Variants in SHISA9 observed in about 807,000 individuals in gnomAD.
The protein encoded by SHISA9 is protein shisa-9.
In SHISA9, 13 loss-of-function variants were observed where a neutral mutation model predicts 38.0. The ratio of observed to expected loss-of-function variants is 0.34; its 90% CI spans 0.22 to 0.54. The LOEUF (loss-of-function observed/expected upper bound fraction) is 0.54, where lower values mean the gene tolerates loss of function less well. Among genes scored for constraint, SHISA9 ranks in the 20% least tolerant of loss-of-function variants. SHISA9 has a pLI of 0.91. For synonymous variants in SHISA9, 275 were observed against 242.0 expected (o/e 1.14, Z -1.27); for missense variants, 538 against 575.8 (o/e 0.93, Z 0.67).
rs970345256 is a variant in SHISA9, at chr16:13,158,780, G to A, written c.692-44614G>A. On this transcript the variant is annotated intron_variant, in intron 2 of 4. Transcript: ENST00000558583. Reference sequence around the variant, plus strand: ...GATTTTAAAAACACAGCAAAGCCCAGGCATGGTGGCTCACGCCTATAATCC... The same window carrying A: ...GATTTTAAAAACACAGCAAAGCCCAAGCATGGTGGCTCACGCCTATAATCC... 3.9e-5 allele frequency among the ~76,000 whole-genome samples: 6 copies of A among 152,192 alleles called. No individual in the cohort carries two copies. In the South Asian group the frequency reaches 6.2e-4, roughly 16 times the overall value.
the SHISA9 span, among the ~76,000 whole-genome samples, chr16:13,427,978 G>A: frequency 1.3e-5 from 2 of 152,202 alleles, no homozygotes; most frequent in African/African-American, 4.8e-5. Context: ...AAGTGTATAT[G>A]AGGTTTAGAG....
intron 2 of SHISA9, among the ~76,000 whole-genome samples, chr16:12,920,332 G>A (rs1378664829): frequency 6.6e-6 from 1 of 151,908 alleles, no homozygotes; most frequent in Non-Finnish European, 1.5e-5. Flanking sequence ...ATATATAAAA[G>A]AAATACAGTT....
intron 2 of SHISA9, among the ~76,000 whole-genome samples, chr16:13,197,141 A>AGG (rs2050953560): frequency 6.7e-6 from 1 of 148,780 alleles, no homozygotes; most frequent in African/African-American, 2.5e-5. Flanking sequence ...ACACACATAT[A>AGG]TGTGTATATA....
chr16:13,505,828 C>A, the SHISA9 span, among the ~76,000 whole-genome samples: 1 of 152,200 alleles, frequency 6.6e-6, no homozygotes, highest in Non-Finnish European at 1.5e-5. Context: ...GGGTTGGTTG[C>A]AGAAACCTTT....
At chr16:13,029,517 G>A (rs2072965722) in intron 2 of SHISA9, among the ~76,000 whole-genome samples, 1 of 152,230 alleles carries the variant, frequency 6.6e-6, no homozygotes, top group Non-Finnish European at 1.5e-5. Flanking sequence ...GCTAAGGAGG[G>A]AGGATCACTT....
intron 2 of SHISA9, among the ~76,000 whole-genome samples, chr16:13,105,286 A>G (rs1300931430): frequency 6.6e-6 from 1 of 152,172 alleles, no homozygotes; most frequent in Non-Finnish European, 1.5e-5. Flanking sequence ...TATGTGGTGC[A>G]TCTGTGGATG....
intron 2 of SHISA9, among the ~76,000 whole-genome samples, chr16:13,068,235 G>C (rs1161693730): frequency 6.6e-6 from 1 of 152,150 alleles, no homozygotes; most frequent in Non-Finnish European, 1.5e-5. Context: ...TGTGATGTGG[G>C]CCATTGAACA....
chr16:12,987,486 A>G, intron 2 of SHISA9, among the ~76,000 whole-genome samples: 1 of 152,202 alleles, frequency 6.6e-6, no homozygotes, highest in Non-Finnish European at 1.5e-5. Context: ...CAGCAAACTA[A>G]CACAGGAACA....
At chr16:12,902,876 T>G in intron 1 of SHISA9, 1 of 429,836 alleles carries the variant, frequency 2.3e-6, no homozygotes, top group Non-Finnish European at 4.0e-6. Flanking sequence ...GTGACTCTGC[T>G]CCCTCACCCT....
chr16:13,437,210 A>G, the SHISA9 span, among the ~76,000 whole-genome samples: 1 of 152,136 alleles, frequency 6.6e-6, no homozygotes, highest in African/African-American at 2.4e-5. Flanking sequence ...TTACTCAAAA[A>G]AAAATGTCAT....
chr16:13,129,958 T>C (rs2050292902), intron 2 of SHISA9, among the ~76,000 whole-genome samples: 1 of 152,200 alleles, frequency 6.6e-6, no homozygotes, highest in African/African-American at 2.4e-5. Context: ...GGAACCCAGC[T>C]AGTTTTTTGT....
At chr16:12,974,265 C>T (rs1391773532) in intron 2 of SHISA9, among the ~76,000 whole-genome samples, 9 of 152,012 alleles carry the variant, frequency 5.9e-5, no homozygotes, top group Non-Finnish European at 1.2e-4. Flanking sequence ...GAGGGCAGGA[C>T]ATCTTTATTG....
At chr16:13,101,350 A>G (rs927286472) in intron 2 of SHISA9, among the ~76,000 whole-genome samples, 5 of 152,232 alleles carry the variant, frequency 3.3e-5, no homozygotes, top group Admixed American at 2.0e-4. Context: ...GTCACAATGA[A>G]TATATATATC....
the SHISA9 span, among the ~76,000 whole-genome samples, chr16:13,393,702 A>C: frequency 6.6e-6 from 1 of 152,126 alleles, no homozygotes; most frequent in Non-Finnish European, 1.5e-5. Flanking sequence ...CTTAGGTAGT[A>C]CAGCTCTGGG....
the SHISA9 span, among the ~76,000 whole-genome samples, chr16:13,423,301 T>A: frequency 6.6e-6 from 1 of 152,238 alleles, no homozygotes; most frequent in Non-Finnish European, 1.5e-5. Flanking sequence ...GACATCTGCC[T>A]TGTATTTACC....
At chr16:12,916,207 A>G (rs903036450) in intron 1 of SHISA9, among the ~76,000 whole-genome samples, 1 of 152,150 alleles carries the variant, frequency 6.6e-6, no homozygotes, top group Non-Finnish European at 1.5e-5. Context: ...GCAAGGAGTA[A>G]TAATCCTCAT....
At chr16:13,208,131 G>A (rs2051083517) in intron 3 of SHISA9, among the ~76,000 whole-genome samples, 1 of 152,118 alleles carries the variant, frequency 6.6e-6, no homozygotes, top group African/African-American at 2.4e-5. Flanking sequence ...TTGGACTTCA[G>A]CTTCTTCATA....
At chr16:13,022,383 G>A (rs1471119457) in intron 2 of SHISA9, among the ~76,000 whole-genome samples, 1 of 151,912 alleles carries the variant, frequency 6.6e-6, no homozygotes, top group Non-Finnish European at 1.5e-5. Flanking sequence ...CCAGGCTGGA[G>A]TGCAGTGGCA....
At chr16:13,558,318 C>T in the SHISA9 span, among the ~76,000 whole-genome samples, 4 of 152,076 alleles carry the variant, frequency 2.6e-5, no homozygotes, top group Non-Finnish European at 5.9e-5. Flanking sequence ...TGATGCTGTG[C>T]TGGTCAAAAT....
Sources: gnomAD v4.1 joint callset for allele counts (sites outside exome capture counted in the v4.1 genomes callset) on GRCh38, gnomAD v4.1.1 for gene constraint, MANE v1.5 for transcripts, NCBI Gene and HGNC (gene_info 2026-07-23, HGNC 2026-07-21) for gene names.